Variants in CADPS observed in about 807,000 individuals in gnomAD.
CADPS encodes the protein calcium-dependent secretion activator 1.
A neutral mutation model predicts 167.3 loss-of-function variants in CADPS; 57 were observed. That is an observed-to-expected ratio of 0.34 (90% confidence interval 0.28 to 0.42). The LOEUF is 0.42. Ranked by LOEUF, CADPS falls within the 20% of genes least tolerant of loss-of-function variation. The pLI is 1.00. For missense variants in CADPS, 1,414 were observed against 1,738.1 expected, an observed-to-expected ratio of 0.81 and a Z score of 3.32; for synonymous variants, 676 against 635.3, an observed-to-expected ratio of 1.06 and a Z score of -0.96.
At position 62,830,997 on chromosome 3, in the gene CADPS, CTAGACA is replaced by C. The variant is rs913909452; in HGVS notation, c.441+43586_441+43591del. Reference sequence around the variant, plus strand: ...ACAAATGTCAAAATTATTCCATTTCCTAGACATAGAGTTATAGACAAATATGTACAT... The same window carrying C: ...ACAAATGTCAAAATTATTCCATTTCCTAGAGTTATAGACAAATATGTACAT... On this transcript the variant is annotated intron_variant, in intron 1 of 29. Coordinates refer to ENST00000383710, the MANE Select transcript of CADPS (RefSeq NM_003716.4). Among the ~76,000 whole-genome samples the C allele has an allele frequency of 1.1e-4, 17 of 152,142 alleles. No homozygotes were observed. The Middle Eastern group carries it at 0.02, about 183-fold the overall frequency.
At chr3:62,517,734 G>T (rs79613153) in intron 14 of CADPS, among the ~76,000 whole-genome samples, 2,026 of 152,230 alleles carry the variant, frequency 0.013, 33 homozygotes, top group African/African-American at 0.046. Context: ...TTCTTTCCCT[G>T]TGTTGCCAGC....
intron 25 of CADPS, 105 bp downstream of exon 25, chr3:62,466,234 C>A (rs2059920983): frequency 1.4e-6 from 1 of 729,638 alleles, no homozygotes; most frequent in Non-Finnish European, 2.4e-6. Context: ...TCCTGAGAGA[C>A]ACAAGTATCC....
chr3:62,759,091 T>C (rs1285406133), intron 2 of CADPS, among the ~76,000 whole-genome samples: 1 of 152,102 alleles, frequency 6.6e-6, no homozygotes, highest in African/African-American at 2.4e-5. Flanking sequence ...ATGAAAGGGG[T>C]AGACATCATG....
At chr3:62,871,779 T>C (rs2082672502) in intron 1 of CADPS, among the ~76,000 whole-genome samples, 1 of 152,156 alleles carries the variant, frequency 6.6e-6, no homozygotes, top group African/African-American at 2.4e-5. Flanking sequence ...TGTATCAATA[T>C]TAGTTCATTG....
intron 6 of CADPS, among the ~76,000 whole-genome samples, chr3:62,597,926 G>A (rs2059154401): frequency 1.3e-5 from 2 of 152,110 alleles, no homozygotes; most frequent in Non-Finnish European, 2.9e-5. Context: ...AGGACTGGCT[G>A]TGCAATTTTC....
chr3:62,485,123 G>A (rs935867394), intron 21 of CADPS, among the ~76,000 whole-genome samples: 7 of 151,648 alleles, frequency 4.6e-5, no homozygotes, highest in Non-Finnish European at 1.0e-4. Flanking sequence ...GTAGATCTGT[G>A]CTATATATAT....
chr3:62,772,031 T>C (rs532659192), intron 1 of CADPS, among the ~76,000 whole-genome samples: 2 of 152,190 alleles, frequency 1.3e-5, no homozygotes, highest in South Asian at 2.1e-4. Context: ...GAAAGCAATA[T>C]CTACTTTACA....
chr3:62,792,523 C>T (rs1374276098), intron 1 of CADPS, among the ~76,000 whole-genome samples: 1 of 152,004 alleles, frequency 6.6e-6, no homozygotes, highest in Non-Finnish European at 1.5e-5. Context: ...TTTTAAATGT[C>T]ATGTCCTCTG....
intron 23 of CADPS, among the ~76,000 whole-genome samples, chr3:62,477,743 C>T (rs927564612): frequency 9.9e-5 from 15 of 152,142 alleles, no homozygotes; most frequent in African/African-American, 3.4e-4. Context: ...AGATTTTCAA[C>T]AAGACAACTA....
intron 1 of CADPS, among the ~76,000 whole-genome samples, chr3:62,793,204 G>A (rs2093101121): frequency 6.6e-6 from 1 of 152,170 alleles, no homozygotes; most frequent in African/African-American, 2.4e-5. Context: ...GTGACAACAA[G>A]TATTTATAAT....
chr3:62,798,596 A>G (rs938149693), intron 1 of CADPS, among the ~76,000 whole-genome samples: 9 of 152,074 alleles, frequency 5.9e-5, no homozygotes, highest in Non-Finnish European at 7.4e-5. Context: ...CATCTATCCT[A>G]TTAGTTCTGT....
chr3:62,869,949 C>G (rs1410696725), intron 1 of CADPS, among the ~76,000 whole-genome samples: 1 of 152,156 alleles, frequency 6.6e-6, no homozygotes, highest in Non-Finnish European at 1.5e-5. Context: ...TGACTTTTAT[C>G]ATTTTACTCA....
intron 3 of CADPS, among the ~76,000 whole-genome samples, chr3:62,674,060 A>G (rs2075974496): frequency 1.3e-5 from 2 of 152,206 alleles, no homozygotes; most frequent in Non-Finnish European, 2.9e-5. Flanking sequence ...GTATAAAATT[A>G]TTCACAAGGT....
At chr3:62,525,875 A>G (rs1021746665) in intron 13 of CADPS, among the ~76,000 whole-genome samples, 2 of 152,142 alleles carry the variant, frequency 1.3e-5, no homozygotes, top group African/African-American at 4.8e-5. Context: ...CCAACATTGG[A>G]GGCAAGGGCA....
At chr3:62,681,528 TTGA>T (rs1401336493) in intron 3 of CADPS, among the ~76,000 whole-genome samples, 5 of 152,078 alleles carry the variant, frequency 3.3e-5, no homozygotes, top group Admixed American at 6.6e-5. Context: ...TTGTTCTATC[TTGA>T]TGTTATTATT....
intron 4 of CADPS, among the ~76,000 whole-genome samples, chr3:62,660,199 A>T (rs2072833779): frequency 6.6e-6 from 1 of 152,098 alleles, no homozygotes; most frequent in Non-Finnish European, 1.5e-5. Flanking sequence ...AAAGCAAGTA[A>T]ATTAAAGGTG....
At chr3:62,589,913 G>A (rs139638940) in intron 7 of CADPS, among the ~76,000 whole-genome samples, 1 of 152,226 alleles carries the variant, frequency 6.6e-6, no homozygotes, top group East Asian at 1.9e-4. Flanking sequence ...TTCCAGGCTG[G>A]GTGCAGTAGC....
At chr3:62,760,120 A>C (rs950670064) in intron 2 of CADPS, among the ~76,000 whole-genome samples, 20 of 151,920 alleles carry the variant, frequency 1.3e-4, no homozygotes, top group Admixed American at 6.6e-5. Context: ...GAGTGAATTG[A>C]TTCTATCAAC....
intron 3 of CADPS, among the ~76,000 whole-genome samples, chr3:62,738,047 G>A (rs1008404268): frequency 6.6e-6 from 1 of 151,932 alleles, no homozygotes; most frequent in Non-Finnish European, 1.5e-5. Flanking sequence ...TCAGTTCCTG[G>A]AACAGTGTCT....
Sources: gnomAD v4.1 joint callset for allele counts (sites outside exome capture counted in the v4.1 genomes callset) on GRCh38, gnomAD v4.1.1 for gene constraint, MANE v1.5 for transcripts, NCBI Gene and HGNC (gene_info 2026-07-23, HGNC 2026-07-21) for gene names.